KIF6: variants seen among roughly 807,000 people sequenced by gnomAD.
KIF6 encodes kinesin family member 6.
In KIF6, 106 loss-of-function variants were observed where a neutral mutation model predicts 112.7. The ratio of observed to expected loss-of-function variants is 0.94; its 90% CI spans 0.80 to 1.11. The LOEUF is 1.11. Ranked by LOEUF, KIF6 falls within the 50% of genes least tolerant of loss-of-function variation. The pLI is 0.00. For missense variants in KIF6, 929 were observed against 964.0 expected (o/e 0.96, Z 0.48); for synonymous variants, 339 against 339.9 (o/e 1.00, Z 0.03).
intron 13 of KIF6, among the ~76,000 whole-genome samples, chr6:39,487,159 C>A (rs113042129): frequency 0.011 from 1,683 of 152,246 alleles, 41 homozygotes; most frequent in African/African-American, 0.039. Flanking sequence ...TAGATTGATT[C>A]TTTTTACTTA....
rs917227293 is a variant in KIF6 at position 39,384,453 on chromosome 6, C to T, written c.1861+1169G>A. Reference sequence around the variant, plus strand: ...GCTAAGTGTGTGCCCAAGTCTCTGGCGCTGGGAGGGCAGTGTACCTGACCC... The same window carrying T: ...GCTAAGTGTGTGCCCAAGTCTCTGGTGCTGGGAGGGCAGTGTACCTGACCC... On this transcript the variant is annotated intron_variant, in intron 16 of 22. Transcript: ENST00000287152. Among the ~76,000 whole-genome samples, 10 of 152,214 alleles carry T rather than the reference C, an allele frequency of 6.6e-5. No homozygotes were observed. The South Asian group carries it at 1.0e-3, about 16-fold the overall frequency.
At chr6:39,641,898 G>T (rs1784920130) in intron 3 of KIF6, among the ~76,000 whole-genome samples, 1 of 152,052 alleles carries the variant, frequency 6.6e-6, no homozygotes, top group Non-Finnish European at 1.5e-5. Context: ...AAAACCAGAT[G>T]ACATAGCTTC....
intron 22 of KIF6, among the ~76,000 whole-genome samples, chr6:39,337,168 C>CTTTCTTTCTTTCTTTCTTTCTTTCT (rs531905392): frequency 6.2e-5 from 3 of 48,534 alleles, no homozygotes; most frequent in East Asian, 8.1e-4. Context: ...TCTTTCTTTC[C>CTTTCTTTCTTTCTTTCTTTCTTTCT]TTCCTTCTTT....
At chr6:39,594,482 G>C (rs1411327702) in intron 7 of KIF6, among the ~76,000 whole-genome samples, 1 of 152,180 alleles carries the variant, frequency 6.6e-6, no homozygotes, top group East Asian at 1.9e-4. Flanking sequence ...ATTTGAGCAG[G>C]AAAGAGCTTA....
chr6:39,574,997 TAA>T (rs34777110), intron 10 of KIF6, among the ~76,000 whole-genome samples: 1 of 152,200 alleles, frequency 6.6e-6, no homozygotes, highest in Non-Finnish European at 1.5e-5. Flanking sequence ...TTTTGCTTCA[TAA>T]AAGTCAACTA....
At chr6:39,346,132 C>CCTCTCTCTCTCCCTCTCTCTCTCTCT (rs1763769865) in intron 20 of KIF6, among the ~76,000 whole-genome samples, 25 of 26,924 alleles carry the variant, frequency 9.3e-4, no homozygotes, top group East Asian at 5.7e-3. Flanking sequence ...CCTCCCTCTC[C>CCTCTCTCTCTCCCTCTCTCTCTCTCT]CTCTCTCTCT....
At chr6:39,715,505 AT>A (rs34333435) in intron 2 of KIF6, among the ~76,000 whole-genome samples, 109 of 138,258 alleles carry the variant, frequency 7.9e-4, no homozygotes, top group Non-Finnish European at 1.0e-3. Context: ...CACAGAATCT[AT>A]TTTTTTTTTT....
In KIF6 at chr6:39,413,605, C is replaced by T. The variant is rs1046189830; in HGVS notation, c.1810+6343G>A. On this transcript the variant is annotated intron_variant, in intron 15 of 22. Coordinates refer to ENST00000287152, the MANE Select transcript of KIF6 (RefSeq NM_145027.6). The stretch of plus-strand genomic sequence containing the variant: ...TGTTGTTGGGCAAGGTCCCTTTCAA[C>T]GAAGGTACGAATTCTAAAGACCACG... Among the ~76,000 whole-genome samples the T allele has an allele frequency of 7.2e-5, 11 of 152,176 alleles. No homozygotes were observed. In the South Asian group the frequency reaches 1.9e-3, roughly 26 times the overall value.
intron 3 of KIF6, among the ~76,000 whole-genome samples, chr6:39,702,668 G>A (rs907841473): frequency 6.6e-6 from 1 of 152,124 alleles, no homozygotes; most frequent in Non-Finnish European, 1.5e-5. Flanking sequence ...TCCCGAAGTG[G>A]TGGAATTGTA....
At chr6:39,669,629 T>G (rs1786683718) in intron 3 of KIF6, among the ~76,000 whole-genome samples, 1 of 152,264 alleles carries the variant, frequency 6.6e-6, no homozygotes, top group Non-Finnish European at 1.5e-5. Context: ...GTCGTCTGAC[T>G]TCTGTCACAA....
chr6:39,591,129 C>A (rs1349114399), intron 7 of KIF6, among the ~76,000 whole-genome samples: 1 of 152,082 alleles, frequency 6.6e-6, no homozygotes, highest in East Asian at 1.9e-4. Flanking sequence ...CATCCTTGAA[C>A]TAATCACTGT....
chr6:39,694,481 T>A (rs1788411305), intron 3 of KIF6, among the ~76,000 whole-genome samples: 1 of 152,132 alleles, frequency 6.6e-6, no homozygotes, highest in Non-Finnish European at 1.5e-5. Context: ...TCAGAATACA[T>A]AAATCAATAT....
Position 39,700,633 on chromosome 6 carries a change from GA to G in KIF6, c.251+14058del, listed in dbSNP as rs1244600568. Among the ~76,000 whole-genome samples the G allele has an allele frequency of 1.2e-4, 18 of 151,880 alleles. No individual in the cohort carries two copies. The East Asian group carries it at 3.5e-3, about 29-fold the overall frequency. On this transcript the variant is annotated intron_variant, in intron 3 of 22. Transcript: ENST00000287152. ...TCCCTCACTGTATCTACTATTACAA[GA>G]AAAAAATTAACTTCAAAATTGTCTT...
intron 10 of KIF6, among the ~76,000 whole-genome samples, chr6:39,568,093 T>G (rs973114405): frequency 1.3e-5 from 2 of 152,194 alleles, no homozygotes; most frequent in Non-Finnish European, 2.9e-5. Flanking sequence ...CTGCTTTAGG[T>G]TCTGGGGCAG....
At chr6:39,419,463 G>C (rs1770186923) in intron 15 of KIF6, among the ~76,000 whole-genome samples, 1 of 152,066 alleles carries the variant, frequency 6.6e-6, no homozygotes, top group Non-Finnish European at 1.5e-5. Context: ...GCCCTCCGTG[G>C]CAGCCTCCAC....
intron 2 of KIF6, chr6:39,718,619 C>T (rs1349337134): frequency 6.6e-6 from 1 of 151,100 alleles, no homozygotes; most frequent in East Asian, 1.9e-4. Flanking sequence ...GTGGTGCATA[C>T]CTGAAGTCTC....
intron 5 of KIF6, among the ~76,000 whole-genome samples, chr6:39,632,516 CAG>C (rs1784410546): frequency 6.6e-6 from 1 of 151,744 alleles, no homozygotes; most frequent in African/African-American, 2.4e-5. Flanking sequence ...GCTAGAATTT[CAG>C]AGTTATAGTA....
At chr6:39,344,131 T>C (rs1763530556) in intron 21 of KIF6, among the ~76,000 whole-genome samples, 1 of 152,182 alleles carries the variant, frequency 6.6e-6, no homozygotes. Context: ...GATAACTGAA[T>C]CATGGGGACG....
chr6:39,626,403 C>G (rs1037403773), intron 5 of KIF6, among the ~76,000 whole-genome samples: 2 of 152,098 alleles, frequency 1.3e-5, no homozygotes, highest in African/African-American at 2.4e-5. Context: ...AGGTGGAATA[C>G]TGGGATATGA....
Sources: allele counts gnomAD v4.1 joint callset (sites outside exome capture counted in the v4.1 genomes callset), GRCh38; gene constraint gnomAD v4.1.1; transcripts MANE v1.5; gene names NCBI Gene and HGNC (gene_info 2026-07-23, HGNC 2026-07-21).